Variants in ANKRD55 observed in about 807,000 individuals in gnomAD.
ANKRD55 encodes the protein ankyrin repeat domain-containing protein 55.
In ANKRD55, 41 loss-of-function variants were observed where a neutral mutation model predicts 60.6. That is an observed-to-expected ratio of 0.68 (90% CI 0.53 to 0.88). ANKRD55 has a LOEUF of 0.88. Ranked by LOEUF, ANKRD55 falls within the 40% of genes least tolerant of loss-of-function variation. The pLI is 0.00. For synonymous variants in ANKRD55, 264 were observed against 290.3 expected (o/e 0.91, Z 0.92); for missense variants, 732 against 767.6 (o/e 0.95, Z 0.55).
intron 1 of ANKRD55, 30 bp downstream of exon 1, chr5:56,233,211 A>C: frequency 2.8e-6 from 1 of 354,306 alleles, no homozygotes; most frequent in Non-Finnish European, 5.2e-6. Context: ...CAAACTCCAA[A>C]AAGATAGTAA....
At chr5:56,178,528 C>T (rs1485274859) in intron 3 of ANKRD55, among the ~76,000 whole-genome samples, 1 of 148,620 alleles carries the variant, frequency 6.7e-6, no homozygotes, top group Non-Finnish European at 1.5e-5. Flanking sequence ...TAAGACAGTA[C>T]AGCATTGTTC....
chr5:56,198,411 G>T (rs766728033), intron 2 of ANKRD55, among the ~76,000 whole-genome samples: 1 of 151,474 alleles, frequency 6.6e-6, no homozygotes, highest in African/African-American at 2.4e-5. Flanking sequence ...TCAGCCTCCC[G>T]AGTAGCTGGG....
chr5:56,103,716 G>T (rs1427249178), intron 10 of ANKRD55, among the ~76,000 whole-genome samples: 1 of 152,122 alleles, frequency 6.6e-6, no homozygotes, highest in Non-Finnish European at 1.5e-5. Context: ...GTACTCAAAA[G>T]ACCTTAACAA....
chr5:56,226,528 A>C (rs1760113374), intron 2 of ANKRD55, among the ~76,000 whole-genome samples: 1 of 150,216 alleles, frequency 6.7e-6, no homozygotes, highest in South Asian at 2.1e-4. Flanking sequence ...CAAAAAAAAA[A>C]CTACCATCAG....
chr5:56,139,609 G>C (rs1404386703), intron 7 of ANKRD55, among the ~76,000 whole-genome samples: 1 of 152,214 alleles, frequency 6.6e-6, no homozygotes, highest in East Asian at 1.9e-4. Flanking sequence ...TCTTTATGAT[G>C]TATTGTGAGG....
chr5:56,133,135 T>C (rs1160021924), intron 7 of ANKRD55, among the ~76,000 whole-genome samples: 2 of 152,072 alleles, frequency 1.3e-5, no homozygotes, highest in African/African-American at 4.8e-5. Flanking sequence ...AGGAATATAG[T>C]TGAACTTAAA....
intron 6 of ANKRD55, among the ~76,000 whole-genome samples, chr5:56,155,862 A>C (rs1356249652): frequency 2.6e-5 from 4 of 151,972 alleles, no homozygotes; most frequent in African/African-American, 4.8e-5. Context: ...AAAAAAAAAA[A>C]AAACCAAAAC....
chr5:56,231,684 C>CACAT (rs1760260533), intron 2 of ANKRD55, among the ~76,000 whole-genome samples: 1 of 146,854 alleles, frequency 6.8e-6, no homozygotes, highest in Admixed American at 6.8e-5. Flanking sequence ...CACACACACA[C>CACAT]ACACACACAC....
At chr5:56,200,937 T>C (rs1024790870) in intron 2 of ANKRD55, among the ~76,000 whole-genome samples, 2 of 152,208 alleles carry the variant, frequency 1.3e-5, no homozygotes, top group African/African-American at 4.8e-5. Context: ...TGAAATAGAA[T>C]TGATTGCCTC....
Position 56,179,236 on chromosome 5 carries a change from T to C in ANKRD55, c.182-2954A>G, listed in dbSNP as rs562030600. ...ATTAATCCAGATCCACTTGAATAAATCTTAAAGACATAATTTTGAGTGAAG... is the reference window on the plus strand; with the variant it reads ...ATTAATCCAGATCCACTTGAATAAACCTTAAAGACATAATTTTGAGTGAAG... On this transcript the variant is annotated intron_variant, in intron 3 of 11. Coordinates refer to ENST00000341048, the MANE Select transcript of ANKRD55 (RefSeq NM_024669.3). 4.3e-4 allele frequency among the ~76,000 whole-genome samples: 66 copies of C among 152,260 alleles called. No homozygotes were observed. In the Middle Eastern group the frequency reaches 0.024, roughly 55 times the overall value.
intron 6 of ANKRD55, among the ~76,000 whole-genome samples, chr5:56,145,222 A>G (rs1367758793): frequency 6.6e-6 from 1 of 152,214 alleles, no homozygotes; most frequent in Non-Finnish European, 1.5e-5. Flanking sequence ...GTGTTCACCA[A>G]GCTGTTTCCT....
At chr5:56,153,016 C>T (rs1365206153) in intron 6 of ANKRD55, among the ~76,000 whole-genome samples, 8 of 151,972 alleles carry the variant, frequency 5.3e-5, no homozygotes, top group African/African-American at 9.7e-5. Context: ...CAACAGCCTA[C>T]GAAAAAGTAT....
intron 2 of ANKRD55, among the ~76,000 whole-genome samples, chr5:56,208,879 C>T (rs1759584661): frequency 6.6e-6 from 1 of 152,096 alleles, no homozygotes; most frequent in South Asian, 2.1e-4. Context: ...TCTTATGGAA[C>T]CACCATCATA....
chr5:56,148,729 T>G (rs1275339268), intron 6 of ANKRD55, among the ~76,000 whole-genome samples: 1 of 152,120 alleles, frequency 6.6e-6, no homozygotes, highest in African/African-American at 2.4e-5. Context: ...GTTTCATGTT[T>G]CAGAACTGTA....
intron 1 of ANKRD55, 62 bp from the exon 2 acceptor site, chr5:56,233,008 G>T: frequency 8.5e-7 from 1 of 1,176,604 alleles, no homozygotes; most frequent in Non-Finnish European, 1.3e-6. Context: ...AGGCAGCATC[G>T]TTTGCCAAGA....
Position 56,201,320 on chromosome 5 carries a change from A to G in ANKRD55, c.59-17686T>C, listed in dbSNP as rs78453472. Among the ~76,000 whole-genome samples, 196 of 152,316 alleles carry G rather than the reference A, an allele frequency of 1.3e-3. 2 individuals carry two copies. The highest frequency in any genetic ancestry group is 4.5e-3 in the African/African-American group (188 of 41,568). ...GACAACATTGCCACCCACTGGTAAT[A>G]AAGAGTCTCTGTGGACCTTCACCTG... On this transcript the variant is annotated intron_variant, in intron 2 of 11. Transcript: ENST00000341048.
chr5:56,170,732 G>T lies in ANKRD55; in HGVS notation c.384C>A (p.Arg128=), dbSNP rs1194800336. ...AKHNIPDKNG[R]LPLHAATAEP... ...CAGCAGTGGCAGCATGCAGTGGCAG[G>T]CGGCCATTTTTATCTGGGATATTGT... The change falls in exon 5 of 12, where the codon CGC becomes CGA. Residue 128 remains arginine, a synonymous_variant. Transcript: ENST00000341048. The T allele has an allele frequency of 1.9e-6, 3 of 1,614,154 alleles. No individual in the cohort carries two copies. The highest frequency in any genetic ancestry group is 4.5e-5 in the East Asian group (2 of 44,884).
At chr5:56,177,975 T>C (rs1465272154) in intron 3 of ANKRD55, among the ~76,000 whole-genome samples, 1 of 152,306 alleles carries the variant, frequency 6.6e-6, no homozygotes, top group Admixed American at 6.5e-5. Flanking sequence ...CATTTTTCTC[T>C]AGTAATTCTT....
chr5:56,156,311 A>G (rs1337043384), intron 6 of ANKRD55, among the ~76,000 whole-genome samples: 1 of 152,202 alleles, frequency 6.6e-6, no homozygotes, highest in East Asian at 1.9e-4. Context: ...TAATAGCAGG[A>G]GGAATCTTTT....
Sources: gnomAD v4.1 joint callset for allele counts (sites outside exome capture counted in the v4.1 genomes callset) on GRCh38, gnomAD v4.1.1 for gene constraint, MANE v1.5 for transcripts, NCBI Gene and HGNC (gene_info 2026-07-23, HGNC 2026-07-21) for gene names.